RABL2A: variants seen among roughly 807,000 people sequenced by gnomAD.
The protein encoded by RABL2A is RAB, member of RAS oncogene family like 2A, also known as rab-like protein 2A.
Under a neutral mutation model 30.7 loss-of-function variants are expected in RABL2A, and 17 were observed. The ratio of observed to expected loss-of-function variants is 0.55; its 90% confidence interval spans 0.38 to 0.83. RABL2A has a LOEUF of 0.83. RABL2A is among the 40% of genes least tolerant of loss of function. The pLI is 0.00. For synonymous variants in RABL2A, 64 were observed against 101.8 expected (o/e 0.63, Z 2.24); for missense variants, 155 against 272.6 (o/e 0.57, Z 3.04).
intron 5 of RABL2A, chr2:113,638,637 G>A: frequency 1.1e-5 from 9 of 810,320 alleles, no homozygotes; most frequent in Non-Finnish European, 1.3e-5. Flanking sequence ...GGAGGCCTAG[G>A]TGGGCAGATC....
intron 5 of RABL2A, among the ~76,000 whole-genome samples, chr2:113,637,142 T>C (rs1683193276): frequency 1.3e-5 from 2 of 152,154 alleles, no homozygotes; most frequent in South Asian, 4.1e-4. Context: ...TGAGTAGGTG[T>C]CATCTCATCT....
At chr2:113,630,642 T>C (rs1203112612) in intron 2 of RABL2A, among the ~76,000 whole-genome samples, 2 of 152,014 alleles carry the variant, frequency 1.3e-5, no homozygotes, top group Non-Finnish European at 2.9e-5. Context: ...CCTTTTTTTT[T>C]TTTTCTCATG....
In RABL2A at chr2:113,643,178, C is replaced by T. The variant is rs1320894683; in HGVS notation, c.*1049C>T. ...CCTATTTCAGCATAAAGAGGCTGTC[C>T]TTTTTTTTTAGGAATAGTTTGGACC... On this transcript the variant is annotated 3_prime_UTR_variant, in exon 9 of 9. Coordinates refer to ENST00000683472, the MANE Select transcript of RABL2A (RefSeq NM_001306158.2). 7 of 449,452 alleles carry T rather than the reference C, an allele frequency of 1.6e-5. No individual in the cohort carries two copies. Among genetic ancestry groups the T allele is most frequent in the Non-Finnish European group, 3.1e-5 (7 of 223,864 alleles). The allele number at this position is 449,452 out of a possible 1,614,324, so 27.8% of individuals were successfully genotyped here.
Position 113,637,760 on chromosome 2 carries a change from C to T in RABL2A, c.297+2630C>T, listed in dbSNP as rs1683494117. On this transcript the variant is annotated intron_variant, in intron 5 of 8. Coordinates refer to ENST00000683472, the MANE Select transcript of RABL2A (RefSeq NM_001306158.2). ...CCTAGCCAGTTTGGTTTCAGGCCTACAGTGGCATTTGGTATTTTGAGCTCA... is the reference window on the plus strand; with the variant it reads ...CCTAGCCAGTTTGGTTTCAGGCCTATAGTGGCATTTGGTATTTTGAGCTCA... 6.3e-5 allele frequency: 80 copies of T among 1,272,888 alleles called. 2 individuals are homozygous for T. In the South Asian group the frequency reaches 1.0e-3, roughly 16 times the overall value. The allele number at this position is 1,272,888 out of a possible 1,614,324, so 78.8% of individuals were successfully genotyped here. A position where few individuals can be genotyped will look rare whatever the true frequency, so the allele number is the denominator to read the frequency against.
At chr2:113,627,581 A>G (rs113978913) in intron 1 of RABL2A, among the ~76,000 whole-genome samples, 181 bp downstream of exon 1, 14,664 of 152,104 alleles carry the variant, frequency 0.096, 853 homozygotes, top group Non-Finnish European at 0.13. Context: ...TTGGTGGCCA[A>G]AAACATTTAT....
chr2:113,634,349 C>A (rs771785725), intron 4 of RABL2A, 117 bp downstream of exon 4: 3 of 1,381,464 alleles, frequency 2.2e-6, no homozygotes, highest in Non-Finnish European at 3.0e-6. Context: ...AGACCCCAGG[C>A]AGGGACAAGG....
chr2:113,640,797 T>G, intron 5 of RABL2A, 97 bp from the exon 6 acceptor site: 1 of 1,588,704 alleles, frequency 6.3e-7, no homozygotes, highest in Non-Finnish European at 8.6e-7. Context: ...CAGCACCATG[T>G]GCTCATGCTT....
At chr2:113,641,294 C>T in intron 6 of RABL2A, 59 bp from the exon 7 acceptor site, 1 of 1,610,916 alleles carries the variant, frequency 6.2e-7, no homozygotes, top group Non-Finnish European at 8.5e-7. Context: ...TCCAGTGGCC[C>T]CCCCTCCAAA....
rs760229016 is a variant in RABL2A at position 113,634,145 on chromosome 2, G to C, written c.138-8G>C. On this transcript the variant is annotated splice_polypyrimidine_tract_variant and splice_region_variant and intron_variant, in intron 3 of 8. Coordinates refer to ENST00000683472, the MANE Select transcript of RABL2A (RefSeq NM_001306158.2). ...TTTTATTGATTTTGCTCCTTAACCT[G>C]AGTGCAGTCAGCCACAGCAGCTGTC... 1.2e-6 allele frequency: 2 copies of C among 1,606,078 alleles called. No individual in the cohort carries two copies. Among genetic ancestry groups the C allele is most frequent in the Non-Finnish European group, 1.7e-6 (2 of 1,175,502 alleles).
At chr2:113,636,879 C>G (rs919815660) in intron 5 of RABL2A, among the ~76,000 whole-genome samples, 1 of 151,294 alleles carries the variant, frequency 6.6e-6, no homozygotes, top group African/African-American at 2.4e-5. Context: ...GTCCCAGCTA[C>G]TCGGGAGGCT....
chr2:113,640,768 T>A, intron 5 of RABL2A, 126 bp from the exon 6 acceptor site: 1 of 1,533,546 alleles, frequency 6.5e-7, no homozygotes, highest in Non-Finnish European at 8.8e-7. Context: ...GAGGCTGCAA[T>A]TCAGAGCGTT....
At chr2:113,628,170 C>A (rs1573914139) in intron 1 of RABL2A, among the ~76,000 whole-genome samples, 3 of 151,068 alleles carry the variant, frequency 2.0e-5, no homozygotes, top group African/African-American at 4.9e-5. Flanking sequence ...ATCATCATAT[C>A]ATTTCTATGT....
chr2:113,630,277 G>A (rs1465460799), intron 2 of RABL2A, among the ~76,000 whole-genome samples: 2 of 152,242 alleles, frequency 1.3e-5, no homozygotes, highest in Non-Finnish European at 2.9e-5. Flanking sequence ...GTGCATCTGA[G>A]GGAAGGTGAG....
chr2:113,639,952 G>C (rs1207790218), intron 5 of RABL2A: 1 of 151,136 alleles, frequency 6.6e-6, no homozygotes. Flanking sequence ...CCAAGAGTTT[G>C]AGATGAGCCT....
Position 113,634,923 on chromosome 2 carries a change from C to T in RABL2A, c.218-128C>T, listed in dbSNP as rs1420819370. ...ACACACGTGTGGGGCTGTATAGTCTCTGTTTCTCCCTGTGCTCCCCATGTA... is the reference window on the plus strand; with the variant it reads ...ACACACGTGTGGGGCTGTATAGTCTTTGTTTCTCCCTGTGCTCCCCATGTA... On this transcript the variant is annotated intron_variant, in intron 4 of 8. Transcript: ENST00000683472. 9.7e-6 allele frequency: 9 copies of T among 929,718 alleles called. No homozygotes were observed. The Admixed American group carries it at 1.4e-4, about 14-fold the overall frequency. The allele number at this position is 929,718 out of a possible 1,614,324, so 57.6% of individuals were successfully genotyped here.
chr2:113,634,882 G>A (rs2592658), intron 4 of RABL2A, 169 bp from the exon 5 acceptor site: 1 of 856,460 alleles, frequency 1.2e-6, no homozygotes, highest in Non-Finnish European at 1.9e-6. Context: ...ACACTCAGGT[G>A]CACTGTGTCT....
chr2:113,641,308 T>C lies in RABL2A; in HGVS notation c.410-45T>C, dbSNP rs528068166. On this transcript the variant is annotated intron_variant, in intron 6 of 8. Coordinates refer to ENST00000683472, the MANE Select transcript of RABL2A (RefSeq NM_001306158.2). ...CTCCAGTGGCCCCCCCTCCAAACCT[T>C]CTTCCCTTCCCTTGACAGACCAATG... 6 of 1,613,434 alleles carry C rather than the reference T, an allele frequency of 3.7e-6. No homozygotes were observed. In the South Asian group the frequency reaches 6.6e-5, roughly 18 times the overall value.
rs1022063553 is a variant in RABL2A at position 113,640,799 on chromosome 2, C to A, written c.298-95C>A. 9 of 1,591,190 alleles carry A rather than the reference C, an allele frequency of 5.7e-6. No homozygotes were observed. The Admixed American group carries it at 1.6e-4, about 28-fold the overall frequency. On this transcript the variant is annotated intron_variant, in intron 5 of 8. Coordinates refer to ENST00000683472, the MANE Select transcript of RABL2A (RefSeq NM_001306158.2). ...GCGTTCCCACAAACAGCACCATGTGCTCATGCTTACCTGCTTGGGTGTGTG... is the reference window on the plus strand; with the variant it reads ...GCGTTCCCACAAACAGCACCATGTGATCATGCTTACCTGCTTGGGTGTGTG...
chr2:113,630,234 G>T (rs1004079197), intron 2 of RABL2A, among the ~76,000 whole-genome samples: 21 of 152,208 alleles, frequency 1.4e-4, no homozygotes, highest in Admixed American at 5.2e-4. Flanking sequence ...CAGGCAAAAG[G>T]TTGTCCCAGA....
Sources: gnomAD v4.1 joint callset for allele counts (sites outside exome capture counted in the v4.1 genomes callset) on GRCh38, gnomAD v4.1.1 for gene constraint, MANE v1.5 for transcripts, NCBI Gene and HGNC (gene_info 2026-07-23, HGNC 2026-07-21) for gene names.